Variants in NT5C2 observed in about 807,000 individuals in gnomAD.
NT5C2 encodes the protein cytosolic purine 5'-nucleotidase.
A neutral mutation model predicts 76.1 loss-of-function variants in NT5C2; 58 were observed. The observed-to-expected ratio is 0.76, with a 90% CI of 0.62 to 0.95. The LOEUF (loss-of-function observed/expected upper bound fraction) is 0.95. Ranked by LOEUF, NT5C2 falls within the 40% of genes least tolerant of loss-of-function variation. NT5C2 has a pLI of 0.00. For synonymous variants in NT5C2, 229 were observed against 237.4 expected, an observed-to-expected ratio of 0.96 and a Z score of 0.32; for missense variants, 478 against 690.3, an observed-to-expected ratio of 0.69 and a Z score of 3.45.
chr10:103,092,784 T>C (rs1027194795), intron 15 of NT5C2, among the ~76,000 whole-genome samples: 1 of 152,164 alleles, frequency 6.6e-6, no homozygotes, highest in African/African-American at 2.4e-5. Flanking sequence ...TATGGGCTGT[T>C]AGCAGAGAGA....
chr10:103,153,496 G>A, intron 3 of NT5C2: 1 of 985,158 alleles, frequency 1.0e-6, no homozygotes, highest in Non-Finnish European at 1.2e-6. Flanking sequence ...TTAAATACTT[G>A]AAAACTTAAG....
intron 15 of NT5C2, among the ~76,000 whole-genome samples, chr10:103,092,500 G>T (rs1450968581): frequency 1.3e-5 from 2 of 152,250 alleles, no homozygotes; most frequent in Admixed American, 1.3e-4. Context: ...AAGTTATGGA[G>T]CCAGGGCTCC....
chr10:103,105,666 C>CTT lies in NT5C2; in HGVS notation c.389+38_389+39dup, dbSNP rs775779091. 4 of 1,320,302 alleles carry CTT rather than the reference C, an allele frequency of 3.0e-6. No individual in the cohort carries two copies. In the South Asian group the frequency reaches 3.6e-5, roughly 12 times the overall value. The allele number at this position is 1,320,302 out of a possible 1,614,324, so 81.8% of individuals were successfully genotyped here. ...ATGATGTCATCTTCACATTGTTTGA[C>CTT]TTTAACATTAGAAAGAGGCTAAAGG... On this transcript the variant is annotated intron_variant, in intron 6 of 18. Coordinates refer to ENST00000404739, the MANE Select transcript of NT5C2 (RefSeq NM_001351169.2).
chr10:103,092,956 A>C (rs1162018686), intron 15 of NT5C2, among the ~76,000 whole-genome samples, 183 bp downstream of exon 15: 1 of 152,236 alleles, frequency 6.6e-6, no homozygotes, highest in Admixed American at 6.5e-5. Flanking sequence ...TCTCATATTT[A>C]TTCAAATTCT....
chr10:103,093,320 A>G lies in NT5C2; in HGVS notation c.989-11T>C. The G allele has an allele frequency of 6.5e-7, 1 of 1,531,748 alleles. No homozygotes were observed. Among genetic ancestry groups the G allele is most frequent in the East Asian group, 2.4e-5 (1 of 42,484 alleles). The allele number at this position is 1,531,748 out of a possible 1,614,324, so 94.9% of individuals were successfully genotyped here. On this transcript the variant is annotated splice_polypyrimidine_tract_variant and intron_variant, in intron 14 of 18. Transcript: ENST00000404739. ...TCGTATCAGAAGAACCTGAACCAACAGAGTGAACAATGAGAAAACTGTCCC... is the reference window on the plus strand; with the variant it reads ...TCGTATCAGAAGAACCTGAACCAACGGAGTGAACAATGAGAAAACTGTCCC...
intron 3 of NT5C2, chr10:103,153,827 A>G (rs2082821693): frequency 3.2e-6 from 3 of 945,010 alleles, no homozygotes; most frequent in Non-Finnish European, 3.8e-6. Flanking sequence ...AAAATAAACA[A>G]TGTGAATTAC....
intron 1 of NT5C2, among the ~76,000 whole-genome samples, chr10:103,190,587 G>A (rs1591967484): frequency 6.6e-6 from 1 of 152,284 alleles, no homozygotes; most frequent in Non-Finnish European, 1.5e-5. Context: ...TTCTCAAGGT[G>A]AGAGAAACTG....
chr10:103,133,135 G>A (rs1470848380), intron 4 of NT5C2, among the ~76,000 whole-genome samples: 2 of 152,192 alleles, frequency 1.3e-5, no homozygotes, highest in East Asian at 1.9e-4. Flanking sequence ...CACAAGATCT[G>A]ATGGTTTTAA....
At chr10:103,152,233 A>G (rs1381152282) in intron 3 of NT5C2, among the ~76,000 whole-genome samples, 1 of 152,216 alleles carries the variant, frequency 6.6e-6, no homozygotes, top group Non-Finnish European at 1.5e-5. Context: ...AAAATATACC[A>G]ACCTAAAAAG....
chr10:103,148,995 A>G (rs1254994278), intron 3 of NT5C2, among the ~76,000 whole-genome samples: 1 of 152,188 alleles, frequency 6.6e-6, no homozygotes. Flanking sequence ...AGGGCCCACA[A>G]AGAAATCTGT....
At chr10:103,191,431 C>T (rs1324963537) in intron 1 of NT5C2, among the ~76,000 whole-genome samples, 3 of 151,164 alleles carry the variant, frequency 2.0e-5, no homozygotes, top group Non-Finnish European at 2.9e-5. Context: ...AAAAAAAAAC[C>T]TGTGTTTTAT....
chr10:103,129,234 C>A (rs1240748572), intron 4 of NT5C2, among the ~76,000 whole-genome samples: 1 of 102,948 alleles, frequency 9.7e-6, no homozygotes, highest in Admixed American at 8.6e-5. Context: ...CCAGCCACCC[C>A]GTCCGGGAGG....
chr10:103,095,857 A>G (rs1019194434), intron 12 of NT5C2, 82 bp downstream of exon 12: 1 of 1,328,086 alleles, frequency 7.5e-7, no homozygotes, highest in Non-Finnish European at 1.1e-6. Context: ...GTTCTGACCA[A>G]TTCTTTCCCC....
chr10:103,165,786 C>T (rs146240286), intron 3 of NT5C2, among the ~76,000 whole-genome samples: 2 of 152,058 alleles, frequency 1.3e-5, no homozygotes, highest in East Asian at 3.9e-4. Context: ...ATTCTCCTGC[C>T]TCAGCCTCCC....
intron 3 of NT5C2, among the ~76,000 whole-genome samples, chr10:103,142,200 CCT>C (rs2080568743): frequency 1.3e-5 from 2 of 152,056 alleles, no homozygotes; most frequent in Admixed American, 1.3e-4. Context: ...GGGTCAAAAT[CCT>C]GAAGATTTTG....
At chr10:103,187,298 C>T (rs2092151236) in intron 1 of NT5C2, among the ~76,000 whole-genome samples, 2 of 151,992 alleles carry the variant, frequency 1.3e-5, no homozygotes. Flanking sequence ...GTAATCCCAG[C>T]ACTTTGGGAG....
chr10:103,157,224 G>A (rs1211962047), intron 3 of NT5C2, among the ~76,000 whole-genome samples: 1 of 151,790 alleles, frequency 6.6e-6, no homozygotes, highest in African/African-American at 2.4e-5. Context: ...CCCTAACCAT[G>A]CTGTAGAGAA....
chr10:103,164,510 C>G (rs888891812), intron 3 of NT5C2, among the ~76,000 whole-genome samples: 1 of 152,138 alleles, frequency 6.6e-6, no homozygotes, highest in Non-Finnish European at 1.5e-5. Context: ...CCTGCTTCAG[C>G]CTCCCAAAGG....
chr10:103,179,738 C>T (rs1163601654), intron 2 of NT5C2, among the ~76,000 whole-genome samples: 2 of 152,156 alleles, frequency 1.3e-5, no homozygotes. Context: ...AACCAACCTA[C>T]TACAGGGTTG....
Sources: gnomAD v4.1 joint callset for allele counts (sites outside exome capture counted in the v4.1 genomes callset) on GRCh38, gnomAD v4.1.1 for gene constraint, MANE v1.5 for transcripts, NCBI Gene and HGNC (gene_info 2026-07-23, HGNC 2026-07-21) for gene names.